SMYD4: variants seen among roughly 807,000 people sequenced by gnomAD.
SMYD4 encodes SET and MYND domain containing 4.
A neutral mutation model predicts 72.8 loss-of-function variants in SMYD4; 68 were observed. The ratio of observed to expected loss-of-function variants is 0.93; its 90% CI spans 0.77 to 1.14. The LOEUF (loss-of-function observed/expected upper bound fraction) is 1.14. Among genes scored for constraint, SMYD4 ranks in the 50% most tolerant of loss-of-function variants. The pLI is 0.00. For missense variants in SMYD4, 984 were observed against 1,003.7 expected, an observed-to-expected ratio of 0.98 and a Z score of 0.27; for synonymous variants, 407 against 388.6, an observed-to-expected ratio of 1.05 and a Z score of -0.56.
At chr17:1,791,284 C>T (rs186054236) in intron 5 of SMYD4, among the ~76,000 whole-genome samples, 17 of 152,132 alleles carry the variant, frequency 1.1e-4, no homozygotes, top group Non-Finnish European at 2.1e-4. Flanking sequence ...CAGAACCACA[C>T]GTGTCACGGT....
intron 2 of SMYD4, among the ~76,000 whole-genome samples, chr17:1,816,901 T>C (rs1413803050): frequency 1.3e-5 from 2 of 152,106 alleles, no homozygotes; most frequent in South Asian, 4.1e-4. Context: ...TGCCTATTTT[T>C]AATCTGATTT....
chr17:1,804,776 T>C, intron 3 of SMYD4, 61 bp from the exon 4 acceptor site: 1 of 1,541,608 alleles, frequency 6.5e-7, no homozygotes, highest in Non-Finnish European at 8.9e-7. Flanking sequence ...AAGAACATTT[T>C]TCAGATATTC....
At chr17:1,802,871 C>T (rs1293009211) in intron 4 of SMYD4, among the ~76,000 whole-genome samples, 5 of 152,174 alleles carry the variant, frequency 3.3e-5, no homozygotes, top group Admixed American at 6.5e-5. Context: ...TCAACTGACA[C>T]GGCTGGGCGC....
intron 2 of SMYD4, among the ~76,000 whole-genome samples, chr17:1,813,747 T>C (rs766256647): frequency 1.3e-5 from 2 of 152,128 alleles, no homozygotes; most frequent in African/African-American, 4.8e-5. Flanking sequence ...AAGTCTGAAA[T>C]TATTTCAAAC....
intron 4 of SMYD4, 195 bp downstream of exon 4, chr17:1,804,431 C>T: frequency 2.1e-6 from 1 of 471,902 alleles, no homozygotes; most frequent in Non-Finnish European, 3.9e-6. Context: ...CCCGCCTTGA[C>T]CTCCCAAAGT....
At chr17:1,794,055 G>GTGTATATATATATA (rs1555575703) in intron 5 of SMYD4, among the ~76,000 whole-genome samples, 44 of 70,116 alleles carry the variant, frequency 6.3e-4, no homozygotes, top group Non-Finnish European at 8.9e-4. Flanking sequence ...ATATATATGT[G>GTGTATATATATATA]TGTATATATA....
rs1478559350 is a variant in SMYD4, at chr17:1,804,573, A to G, written c.369+53T>C. The G allele has an allele frequency of 4.7e-6, 7 of 1,503,136 alleles. No homozygotes were observed. The Admixed American group carries it at 6.7e-5, about 14-fold the overall frequency. 93.1% of individuals were successfully genotyped at this position (1,503,136 alleles called of 1,614,324 possible). ...AGCAGAGATGAAGGTCTAGTCCTCC[A>G]GTAAGAAGCCCTCCGGATCCTGTCC... On this transcript the variant is annotated intron_variant, in intron 4 of 10. Coordinates refer to ENST00000305513, the MANE Select transcript of SMYD4 (RefSeq NM_052928.3).
chr17:1,814,366 T>C (rs1264359388), intron 2 of SMYD4, among the ~76,000 whole-genome samples: 1 of 152,182 alleles, frequency 6.6e-6, no homozygotes, highest in African/African-American at 2.4e-5. Context: ...TTAAAAATTT[T>C]TGTTTACAAA....
chr17:1,801,156 T>A, intron 4 of SMYD4, 132 bp from the exon 5 acceptor site: 2 of 742,310 alleles, frequency 2.7e-6, no homozygotes, highest in Non-Finnish European at 4.4e-6. Context: ...ACATGCTTAT[T>A]AAAATCATAT....
intron 5 of SMYD4, among the ~76,000 whole-genome samples, chr17:1,799,622 C>T (rs1266736568): frequency 6.6e-6 from 1 of 152,160 alleles, no homozygotes; most frequent in South Asian, 2.1e-4. Context: ...GATCTGCTCA[C>T]CTCGGCCTCC....
Position 1,783,560 on chromosome 17 carries a change from C to T in SMYD4, c.2021-84G>A. On this transcript the variant is annotated intron_variant, in intron 8 of 10. Transcript: ENST00000305513. ...AATCCAGGTCTCAAATCCTCTGAAT[C>T]AGCTGGGCTGAATGTGGAAATTCCC... 3 of 1,525,514 alleles carry T rather than the reference C, an allele frequency of 2.0e-6. No individual in the cohort carries two copies. In the East Asian group the frequency reaches 7.4e-5, roughly 38 times the overall value. 94.5% of individuals were successfully genotyped at this position (1,525,514 alleles called of 1,614,324 possible).
At chr17:1,820,408 T>C (rs1056484160) in intron 2 of SMYD4, among the ~76,000 whole-genome samples, 1 of 151,966 alleles carries the variant, frequency 6.6e-6, no homozygotes, top group African/African-American at 2.4e-5. Flanking sequence ...CCCAGCTAAC[T>C]TTTTATGTTT....
chr17:1,812,680 G>C (rs991318430), intron 2 of SMYD4, among the ~76,000 whole-genome samples: 31 of 147,754 alleles, frequency 2.1e-4, no homozygotes, highest in Admixed American at 1.6e-3. Flanking sequence ...TCCTGAATAG[G>C]TGGGATTACA....
intron 2 of SMYD4, among the ~76,000 whole-genome samples, chr17:1,815,062 C>CTT (rs368810379): frequency 6.8e-6 from 1 of 146,318 alleles, no homozygotes; most frequent in South Asian, 2.2e-4. Context: ...AACTCAATGT[C>CTT]TTTTTTTTTT....
chr17:1,789,455 T>C (rs975346901), intron 5 of SMYD4, among the ~76,000 whole-genome samples: 1 of 151,336 alleles, frequency 6.6e-6, no homozygotes, highest in African/African-American at 2.4e-5. Context: ...GAAAATATTA[T>C]GAACCATTAT....
chr17:1,805,246 G>A (rs149717638), intron 3 of SMYD4, among the ~76,000 whole-genome samples: 11 of 150,328 alleles, frequency 7.3e-5, no homozygotes, highest in Admixed American at 2.7e-4. Context: ...GCAAAACCCC[G>A]TCTCTACTAA....
At chr17:1,805,533 C>G (rs529233725) in intron 3 of SMYD4, among the ~76,000 whole-genome samples, 6 of 150,900 alleles carry the variant, frequency 4.0e-5, no homozygotes, top group Admixed American at 4.0e-4. Flanking sequence ...GGGATGAGAC[C>G]GGGCATGGTG....
chr17:1,827,805 A>G, intron 2 of SMYD4, 56 bp downstream of exon 2: 1 of 1,569,204 alleles, frequency 6.4e-7, no homozygotes, highest in Non-Finnish European at 8.7e-7. Flanking sequence ...AGAGCAAATG[A>G]CAAAATAGAA....
At chr17:1,782,392 T>G (rs1021497795) in intron 10 of SMYD4, 1 of 149,302 alleles carries the variant, frequency 6.7e-6, no homozygotes, top group Non-Finnish European at 1.5e-5. Context: ...TCTCCAGAGA[T>G]CGCTTGAGCC....
Sources: allele counts gnomAD v4.1 joint callset (sites outside exome capture counted in the v4.1 genomes callset), GRCh38; gene constraint gnomAD v4.1.1; transcripts MANE v1.5; gene names NCBI Gene and HGNC (gene_info 2026-07-23, HGNC 2026-07-21).